The following COL24A1 variants were observed in gnomAD, a reference collection of about 807,000 sequenced individuals.
COL24A1 encodes collagen alpha-1(XXIV) chain.
Under a neutral mutation model 253.9 loss-of-function variants are expected in COL24A1, and 224 were observed. The observed-to-expected ratio is 0.88, with a 90% CI of 0.79 to 0.99. The LOEUF (loss-of-function observed/expected upper bound fraction) is 0.99, where lower values mean the gene tolerates loss of function less well. Ranked by LOEUF, COL24A1 falls within the 50% of genes least tolerant of loss-of-function variation. The pLI is 0.00. For missense variants in COL24A1, 2,131 were observed against 2,068.5 expected (o/e 1.03, Z -0.59); for synonymous variants, 685 against 673.7 (o/e 1.02, Z -0.26).
At chr1:85,925,856 A>G (rs1478428686) in intron 24 of COL24A1, among the ~76,000 whole-genome samples, 1 of 152,142 alleles carries the variant, frequency 6.6e-6, no homozygotes, top group South Asian at 2.1e-4. Context: ...TTCTGCACAG[A>G]AAAAGAAACT....
intron 2 of COL24A1, among the ~76,000 whole-genome samples, chr1:86,134,131 A>G (rs547528134): frequency 1.3e-5 from 2 of 152,084 alleles, no homozygotes; most frequent in African/African-American, 4.8e-5. Context: ...TCTAGTTTAT[A>G]TGGGTAGAGG....
At chr1:85,877,712 GAA>G (rs1681346562) in intron 32 of COL24A1, among the ~76,000 whole-genome samples, 1 of 152,174 alleles carries the variant, frequency 6.6e-6, no homozygotes, top group Non-Finnish European at 1.5e-5. Context: ...ATATTAAAAA[GAA>G]AAGAGTGGCA....
chr1:86,110,821 C>T (rs1044454949), intron 5 of COL24A1, among the ~76,000 whole-genome samples: 73 of 152,250 alleles, frequency 4.8e-4, no homozygotes, highest in African/African-American at 1.7e-3. Flanking sequence ...GCCCGACCCC[C>T]GCCCCCCACA....
At chr1:85,855,186 T>A (rs868696334) in intron 37 of COL24A1, among the ~76,000 whole-genome samples, 2 of 152,064 alleles carry the variant, frequency 1.3e-5, no homozygotes, top group Middle Eastern at 3.2e-3. Context: ...GCAAAAAGAG[T>A]TTGACTTCCT....
chr1:86,121,110 G>A (rs1223461515), intron 3 of COL24A1, among the ~76,000 whole-genome samples: 1 of 152,116 alleles, frequency 6.6e-6, no homozygotes, highest in Admixed American at 6.6e-5. Flanking sequence ...TTGGACACAG[G>A]GTGGGGAACA....
At chr1:85,981,363 A>G (rs559489550) in intron 20 of COL24A1, among the ~76,000 whole-genome samples, 1 of 152,316 alleles carries the variant, frequency 6.6e-6, no homozygotes, top group African/African-American at 2.4e-5. Flanking sequence ...CTAATCTTCA[A>G]CAAAGCAAAC....
At chr1:85,925,815 A>T (rs1687125489) in intron 24 of COL24A1, among the ~76,000 whole-genome samples, 1 of 152,196 alleles carries the variant, frequency 6.6e-6, no homozygotes, top group Non-Finnish European at 1.5e-5. Context: ...AAGCCAAAAT[A>T]GACAAATGGG....
At chr1:86,134,310 T>A (rs1649845414) in intron 2 of COL24A1, among the ~76,000 whole-genome samples, 1 of 151,914 alleles carries the variant, frequency 6.6e-6, no homozygotes, top group Non-Finnish European at 1.5e-5. Context: ...GCTCCTGGAT[T>A]CATTGATTTT....
intron 7 of COL24A1, among the ~76,000 whole-genome samples, chr1:86,066,231 CTTTTTTT>C (rs71078637): frequency 8.7e-4 from 74 of 85,546 alleles, no homozygotes; most frequent in African/African-American, 3.4e-3. Context: ...CCTAAGTCTC[CTTTTTTT>C]TTTTTTTTTT....
At chr1:86,097,682 T>C (rs747299650) in intron 5 of COL24A1, among the ~76,000 whole-genome samples, 33 of 148,588 alleles carry the variant, frequency 2.2e-4, no homozygotes, top group Non-Finnish European at 4.0e-4. Flanking sequence ...TCCTCCTCCT[T>C]CTTCTTCCTC....
chr1:86,123,414 A>G (rs1265063932), intron 3 of COL24A1, among the ~76,000 whole-genome samples: 2 of 151,958 alleles, frequency 1.3e-5, no homozygotes, highest in African/African-American at 2.4e-5. Context: ...ATCCTACTTT[A>G]CTACAAGATA....
chr1:86,000,231 A>G (rs1372143275), intron 19 of COL24A1, among the ~76,000 whole-genome samples: 1 of 152,178 alleles, frequency 6.6e-6, no homozygotes, highest in Non-Finnish European at 1.5e-5. Context: ...TATCTCTACT[A>G]ACACTGAACT....
At chr1:85,969,235 T>C (rs1237259080) in intron 22 of COL24A1, among the ~76,000 whole-genome samples, 1 of 152,116 alleles carries the variant, frequency 6.6e-6, no homozygotes, top group Non-Finnish European at 1.5e-5. Flanking sequence ...CAATGGGATA[T>C]AGCAATATAT....
intron 52 of COL24A1, among the ~76,000 whole-genome samples, chr1:85,777,258 A>T (rs1019047193): frequency 6.1e-5 from 9 of 148,696 alleles, no homozygotes; most frequent in African/African-American, 2.2e-4. Flanking sequence ...CCTGATTTTT[A>T]AGATATCTAC....
chr1:85,880,852 C>G (rs1244532391), intron 32 of COL24A1, among the ~76,000 whole-genome samples: 2 of 152,050 alleles, frequency 1.3e-5, no homozygotes, highest in Non-Finnish European at 1.5e-5. Context: ...GTTAAACCAG[C>G]CTTGTATACC....
chr1:85,880,188 T>G (rs1276268373), intron 32 of COL24A1, among the ~76,000 whole-genome samples: 1 of 152,134 alleles, frequency 6.6e-6, no homozygotes, highest in African/African-American at 2.4e-5. Context: ...GATCTTTAAT[T>G]TCTTTGATAA....
chr1:86,126,507 C>A (rs1288178726), intron 2 of COL24A1, among the ~76,000 whole-genome samples: 1 of 152,048 alleles, frequency 6.6e-6, no homozygotes, highest in Non-Finnish European at 1.5e-5. Flanking sequence ...GGGTTTCCAT[C>A]TGTTACCCAG....
chr1:85,855,323 C>A (rs1678299951), intron 37 of COL24A1, among the ~76,000 whole-genome samples: 5 of 152,124 alleles, frequency 3.3e-5, no homozygotes. Context: ...CAGCTTTTGC[C>A]TATTAGGTAT....
intron 47 of COL24A1, among the ~76,000 whole-genome samples, chr1:85,811,059 T>C (rs1316745946): frequency 6.6e-6 from 1 of 152,236 alleles, no homozygotes; most frequent in African/African-American, 2.4e-5. Context: ...ATTCATCCTT[T>C]TGCGTCTGGT....
Sources: gnomAD v4.1 joint callset for allele counts (sites outside exome capture counted in the v4.1 genomes callset) on GRCh38, gnomAD v4.1.1 for gene constraint, MANE v1.5 for transcripts, NCBI Gene and HGNC (gene_info 2026-07-23, HGNC 2026-07-21) for gene names.